Variants in TSPAN11 observed in about 807,000 individuals in gnomAD.
TSPAN11 encodes tetraspanin 11.
Under a neutral mutation model 32.9 loss-of-function variants are expected in TSPAN11, and 29 were observed. That is an observed-to-expected ratio of 0.88 (90% CI 0.66 to 1.20). The LOEUF is 1.20. Ranked by LOEUF, TSPAN11 falls within the 50% of genes most tolerant of loss-of-function variation. The pLI is 0.00. For missense variants in TSPAN11, 283 were observed against 329.1 expected (o/e 0.86, Z 1.08); for synonymous variants, 140 against 141.3 (o/e 0.99, Z 0.07).
At chr12:30,947,539 T>G (rs1005103728) in intron 1 of TSPAN11, among the ~76,000 whole-genome samples, 3 of 152,148 alleles carry the variant, frequency 2.0e-5, no homozygotes, top group Non-Finnish European at 4.4e-5. Flanking sequence ...AAAAGGCACT[T>G]CCTACATGGT....
At chr12:30,955,659 G>A (rs150485037) in intron 2 of TSPAN11, among the ~76,000 whole-genome samples, 142 of 152,272 alleles carry the variant, frequency 9.3e-4, no homozygotes, top group Middle Eastern at 6.8e-3. Flanking sequence ...ATGAGACTTG[G>A]ATAGAATCTT....
rs1315170155 is a variant in TSPAN11, at chr12:30,994,735, T to C, written c.*2820T>C. 5.9e-5 allele frequency: 9 copies of C among 152,238 alleles called. No homozygotes were observed. The highest frequency in any genetic ancestry group is 2.2e-4 in the African/African-American group (9 of 41,456). 9.4% of individuals were successfully genotyped at this position (152,238 alleles called of 1,614,324 possible). On this transcript the variant is annotated 3_prime_UTR_variant, in exon 8 of 8. Transcript: ENST00000546076. ...GATTTTTTTGTGTTTACCAAGGTCC[T>C]GCTGTGCACTTAGAATCTGTCACCA...
chr12:31,008,408 G>GT, the TSPAN11 span, among the ~76,000 whole-genome samples: 1 of 152,192 alleles, frequency 6.6e-6, no homozygotes, highest in Non-Finnish European at 1.5e-5. Flanking sequence ...TTCCTCATTG[G>GT]TGCTGTGCTG....
At chr12:30,959,779 C>CAA (rs1169712019) in intron 2 of TSPAN11, among the ~76,000 whole-genome samples, 29 of 39,546 alleles carry the variant, frequency 7.3e-4, no homozygotes, top group African/African-American at 1.1e-3. Context: ...GACTCTGTCT[C>CAA]AAAAAAAAAA....
Position 30,978,688 on chromosome 12 carries a change from TG to T in TSPAN11, c.351+54del, listed in dbSNP as rs527896918. 3.3e-5 allele frequency: 53 copies of T among 1,587,602 alleles called. No homozygotes were observed. The African/African-American group carries it at 6.4e-4, about 19-fold the overall frequency. On this transcript the variant is annotated intron_variant, in intron 4 of 7. Coordinates refer to ENST00000546076, the MANE Select transcript of TSPAN11 (RefSeq NM_001370302.1). ...CTCTGTCAGTGTCCTGAAGAAGCAA[TG>T]TGGGTAGGGAGGTTTGCATTGTGAT...
At chr12:30,989,804 T>C (rs1221362767) in intron 7 of TSPAN11, among the ~76,000 whole-genome samples, 1 of 152,176 alleles carries the variant, frequency 6.6e-6, no homozygotes, top group African/African-American at 2.4e-5. Flanking sequence ...GACAGCCAGG[T>C]GCTGACTCAG....
At chr12:30,945,052 G>T (rs1292303612) in intron 1 of TSPAN11, among the ~76,000 whole-genome samples, 1 of 152,110 alleles carries the variant, frequency 6.6e-6, no homozygotes, top group Admixed American at 6.5e-5. Flanking sequence ...GGCCCATGCT[G>T]CCCAGCCATT....
At chr12:31,010,487 G>T in the TSPAN11 span, among the ~76,000 whole-genome samples, 5 of 152,212 alleles carry the variant, frequency 3.3e-5, no homozygotes, top group East Asian at 3.9e-4. Flanking sequence ...TAGGCTCAGG[G>T]TGGGCAACTT....
At chr12:30,983,013 A>T in intron 6 of TSPAN11, 51 bp from the exon 7 acceptor site, 1 of 1,573,812 alleles carries the variant, frequency 6.4e-7, no homozygotes, top group Non-Finnish European at 8.7e-7. Flanking sequence ...CTCCGTCCCC[A>T]CCCATGCCTG....
At chr12:31,011,136 G>A in the TSPAN11 span, among the ~76,000 whole-genome samples, 2 of 152,198 alleles carry the variant, frequency 1.3e-5, no homozygotes, top group Non-Finnish European at 2.9e-5. Context: ...GCTCATGCCT[G>A]TAATGCCAGC....
At chr12:30,960,498 A>G (rs1423125078) in intron 2 of TSPAN11, among the ~76,000 whole-genome samples, 1 of 151,932 alleles carries the variant, frequency 6.6e-6, no homozygotes. Context: ...GCCTACATTT[A>G]CTTTTATACC....
downstream of TSPAN11, chr12:30,996,983 C>T (rs929691828): frequency 1.3e-5 from 2 of 152,178 alleles, no homozygotes; most frequent in Non-Finnish European, 1.5e-5. Flanking sequence ...CCACTGCAGG[C>T]GCCACCCTCT....
At chr12:30,953,070 C>T (rs993454665) in intron 1 of TSPAN11, among the ~76,000 whole-genome samples, 1 of 152,160 alleles carries the variant, frequency 6.6e-6, no homozygotes, top group African/African-American at 2.4e-5. Context: ...TGTCATACTT[C>T]CCAGAGAGTC....
downstream of TSPAN11, among the ~76,000 whole-genome samples, chr12:31,000,692 G>A (rs983450545): frequency 6.6e-6 from 1 of 152,188 alleles, no homozygotes; most frequent in Non-Finnish European, 1.5e-5. Flanking sequence ...GGGTGGTGAC[G>A]GCTGATAAGA....
rs138115500 is a variant in TSPAN11, at chr12:30,955,779, G to A, written c.84+1704G>A. Among the ~76,000 whole-genome samples the A allele has an allele frequency of 1.0e-3, 156 of 152,222 alleles. 1 individual carries two copies. Among genetic ancestry groups the A allele is most frequent in the Non-Finnish European group, 1.7e-3 (116 of 68,026 alleles). On this transcript the variant is annotated intron_variant, in intron 2 of 7. Coordinates refer to ENST00000546076, the MANE Select transcript of TSPAN11 (RefSeq NM_001370302.1). ...CCTCTGTCATCACACACTGTTGTCC[G>A]TGTGTGTCTCTGTCTTCACATGATG...
intron 5 of TSPAN11, among the ~76,000 whole-genome samples, chr12:30,981,841 A>G (rs1862031449): frequency 6.6e-6 from 1 of 152,216 alleles, no homozygotes; most frequent in South Asian, 2.1e-4. Flanking sequence ...TACACCAGCG[A>G]CAGCCTCACA....
chr12:30,935,095 T>C (rs1938015677), intron 1 of TSPAN11, among the ~76,000 whole-genome samples: 1 of 152,130 alleles, frequency 6.6e-6, no homozygotes. Context: ...ACACACACTC[T>C]CCCCAGCCAA....
At chr12:30,981,310 A>G (rs1179770509) in intron 5 of TSPAN11, among the ~76,000 whole-genome samples, 1 of 152,188 alleles carries the variant, frequency 6.6e-6, no homozygotes, top group Non-Finnish European at 1.5e-5. Context: ...AGAGACACAC[A>G]AAGCTGTATT....
the TSPAN11 span, chr12:31,012,894 T>C: frequency 6.6e-6 from 1 of 152,252 alleles, no homozygotes; most frequent in South Asian, 2.1e-4. Flanking sequence ...AGGATAAAGA[T>C]ACAAGATATT....
Sources: gnomAD v4.1 joint callset for allele counts (sites outside exome capture counted in the v4.1 genomes callset) on GRCh38, gnomAD v4.1.1 for gene constraint, MANE v1.5 for transcripts, NCBI Gene and HGNC (gene_info 2026-07-23, HGNC 2026-07-21) for gene names.